Variants in PRKG1 observed in about 807,000 individuals in gnomAD.
PRKG1 encodes the protein protein kinase cGMP-dependent 1.
In PRKG1, 35 loss-of-function variants were observed where a neutral mutation model predicts 88.1. The observed-to-expected ratio is 0.40, with a 90% confidence interval of 0.30 to 0.53. The LOEUF is 0.53. PRKG1 is among the 20% of genes least tolerant of loss of function. The probability of loss-of-function intolerance (pLI) is 0.59; values close to 1 mark genes in which losing one functional copy is unlikely to be tolerated. For synonymous variants in PRKG1, 303 were observed against 292.5 expected, an observed-to-expected ratio of 1.04 and a Z score of -0.37; for missense variants, 540 against 839.8, an observed-to-expected ratio of 0.64 and a Z score of 4.41.
chr10:52,041,883 T>C (rs1016860160), intron 5 of PRKG1, among the ~76,000 whole-genome samples: 7 of 152,208 alleles, frequency 4.6e-5, no homozygotes, highest in African/African-American at 1.4e-4. Flanking sequence ...TATATTTAAA[T>C]TGGTAGCTTT....
chr10:51,502,124 A>G (rs532871701), intron 3 of PRKG1, among the ~76,000 whole-genome samples: 88 of 152,342 alleles, frequency 5.8e-4, no homozygotes, highest in South Asian at 1.4e-3. Context: ...CTGAATCCGT[A>G]TTAGGAATGA....
intron 5 of PRKG1, among the ~76,000 whole-genome samples, chr10:51,953,658 G>A (rs987745244): frequency 6.6e-6 from 1 of 151,938 alleles, no homozygotes; most frequent in Non-Finnish European, 1.5e-5. Context: ...GCTTAATAAT[G>A]TTTGATGAAT....
chr10:51,868,492 T>G (rs1332138969), intron 4 of PRKG1, among the ~76,000 whole-genome samples: 1 of 152,118 alleles, frequency 6.6e-6, no homozygotes, highest in African/African-American at 2.4e-5. Flanking sequence ...TTTTCTTAAA[T>G]TTATCCAATT....
chr10:51,584,770 G>A (rs1316522911), intron 3 of PRKG1, among the ~76,000 whole-genome samples: 1 of 152,086 alleles, frequency 6.6e-6, no homozygotes, highest in Non-Finnish European at 1.5e-5. Context: ...GAGGCTCAGA[G>A]AAGGGAAAGA....
intron 2 of PRKG1, among the ~76,000 whole-genome samples, chr10:51,154,652 G>T (rs550775976): frequency 1.3e-5 from 2 of 151,834 alleles, no homozygotes; most frequent in South Asian, 4.2e-4. Flanking sequence ...ATATATGTTA[G>T]GCATTCAGTT....
At chr10:51,732,756 C>G (rs376819784) in intron 3 of PRKG1, among the ~76,000 whole-genome samples, 13 of 152,096 alleles carry the variant, frequency 8.5e-5, no homozygotes, top group African/African-American at 3.1e-4. Flanking sequence ...TACCAAGCCA[C>G]GAAAATAATA....
chr10:51,674,349 C>T (rs1840658210), intron 3 of PRKG1, among the ~76,000 whole-genome samples: 1 of 151,934 alleles, frequency 6.6e-6, no homozygotes. Context: ...CCCAACAGGC[C>T]CTGGTGTGTG....
At chr10:51,396,069 A>C (rs1393861819) in intron 2 of PRKG1, among the ~76,000 whole-genome samples, 1 of 152,210 alleles carries the variant, frequency 6.6e-6, no homozygotes, top group Non-Finnish European at 1.5e-5. Context: ...AAGGTATTTG[A>C]TAATATTTAT....
chr10:52,270,891 A>C (rs1302151802), intron 10 of PRKG1, among the ~76,000 whole-genome samples: 2 of 151,166 alleles, frequency 1.3e-5, no homozygotes, highest in African/African-American at 4.8e-5. Context: ...TTTTAAAAAA[A>C]AGATAAAAAA....
chr10:51,797,747 CT>C (rs1839055173), intron 3 of PRKG1, among the ~76,000 whole-genome samples: 1 of 151,470 alleles, frequency 6.6e-6, no homozygotes, highest in South Asian at 2.1e-4. Context: ...ATCTTCATAA[CT>C]TTTTCATCAT....
intron 2 of PRKG1, among the ~76,000 whole-genome samples, chr10:51,235,416 A>ACAAG (rs1287049667): frequency 2.7e-5 from 4 of 147,690 alleles, no homozygotes; most frequent in African/African-American, 5.3e-5. Flanking sequence ...AAACAAACAA[A>ACAAG]CAAACAAAAC....
At chr10:51,324,571 C>CAAAAAAAAAAAAAA (rs34429733) in intron 2 of PRKG1, among the ~76,000 whole-genome samples, 2 of 84,448 alleles carry the variant, frequency 2.4e-5, no homozygotes, top group Non-Finnish European at 2.6e-5. Flanking sequence ...ACTAAAAATA[C>CAAAAAAAAAAAAAA]AAAAAAAAAA....
chr10:51,214,490 CT>C (rs376894121), intron 2 of PRKG1, among the ~76,000 whole-genome samples: 27 of 144,906 alleles, frequency 1.9e-4, no homozygotes, highest in Admixed American at 2.8e-4. Context: ...AAGAAAAACT[CT>C]TTTTTTTTTT....
At chr10:51,383,434 A>G (rs1464716396) in intron 2 of PRKG1, among the ~76,000 whole-genome samples, 2 of 152,180 alleles carry the variant, frequency 1.3e-5, no homozygotes, top group Non-Finnish European at 2.9e-5. Context: ...TTATATAGCA[A>G]TAGAAATTCG....
intron 2 of PRKG1, among the ~76,000 whole-genome samples, chr10:51,374,044 A>G (rs1842757985): frequency 7.0e-6 from 1 of 143,356 alleles, no homozygotes; most frequent in East Asian, 2.0e-4. Flanking sequence ...CAGGAGGCTG[A>G]GGCAGGAAAA....
In PRKG1 at chr10:51,284,164, G is replaced by T. The variant is rs74454196; in HGVS notation, c.478+130834G>T. Among the ~76,000 whole-genome samples the T allele has an allele frequency of 2.3e-3, 344 of 152,014 alleles. 2 individuals are homozygous for T. The highest frequency in any genetic ancestry group is 0.019 in the East Asian group (99 of 5,172). On this transcript the variant is annotated intron_variant, in intron 2 of 17. Transcript: ENST00000373980. ...TTCAAATTGCTCACATTAAATCAAG[G>T]GCTACAAAATAAAATCCGGTGAAAA... is the stretch of plus-strand genomic sequence containing the variant.
chr10:52,003,661 C>A (rs1844656110), intron 5 of PRKG1, among the ~76,000 whole-genome samples: 1 of 152,202 alleles, frequency 6.6e-6, no homozygotes. Context: ...TCAGGAATAT[C>A]CGTCTGGGGA....
intron 9 of PRKG1, among the ~76,000 whole-genome samples, chr10:52,187,685 C>G (rs748190481): frequency 6.6e-6 from 1 of 152,174 alleles, no homozygotes; most frequent in Admixed American, 6.5e-5. Context: ...ATTCTGCCAG[C>G]ACAATGCTAT....
intron 7 of PRKG1, among the ~76,000 whole-genome samples, chr10:52,113,492 G>A (rs1847615473): frequency 6.6e-6 from 1 of 152,108 alleles, no homozygotes; most frequent in African/African-American, 2.4e-5. Context: ...TTTGAATTAG[G>A]AAGGCAGATT....
Sources: allele counts gnomAD v4.1 joint callset (sites outside exome capture counted in the v4.1 genomes callset), GRCh38; gene constraint gnomAD v4.1.1; transcripts MANE v1.5; gene names NCBI Gene and HGNC (gene_info 2026-07-23, HGNC 2026-07-21).